ZMYND10: variants seen among roughly 807,000 people sequenced by gnomAD.
ZMYND10 encodes zinc finger MYND domain-containing protein 10.
In ZMYND10, 52 loss-of-function variants were observed where a neutral mutation model predicts 62.6. That is an observed-to-expected ratio of 0.83 (90% CI 0.67 to 1.05). The LOEUF is 1.05. ZMYND10 is among the 50% of genes least tolerant of loss of function. The probability of loss-of-function intolerance (pLI) is 0.00; values close to 1 mark genes in which losing one functional copy is unlikely to be tolerated. For missense variants in ZMYND10, 438 were observed against 543.3 expected (o/e 0.81, Z 1.93); for synonymous variants, 197 against 218.5 (o/e 0.90, Z 0.87).
rs587754385 is a variant in ZMYND10 at position 50,341,258 on chromosome 3, A to T, written c.*152T>A. 39 of 911,624 alleles carry T rather than the reference A, an allele frequency of 4.3e-5. 1 individual carries two copies. Among genetic ancestry groups the T allele is most frequent in the Middle Eastern group, 6.7e-4 (2 of 2,976 alleles). The allele number at this position is 911,624 out of a possible 1,614,324, so 56.5% of individuals were successfully genotyped here. A position where few individuals can be genotyped will look rare whatever the true frequency, so the allele number is the denominator to read the frequency against. On this transcript the variant is annotated 3_prime_UTR_variant, in exon 12 of 12. Coordinates refer to ENST00000231749, the MANE Select transcript of ZMYND10 (RefSeq NM_015896.4). The stretch of plus-strand genomic sequence containing the variant: ...CGAGCCTTCACTTGGGGTGAGGAGG[A>T]GGGAGATCGGTCAGCAGCTTTACCG...
At position 50,341,987 on chromosome 3, in the gene ZMYND10, C is replaced by T. The variant is rs750725012; in HGVS notation, c.999+28G>A. 2.5e-6 allele frequency: 4 copies of T among 1,614,204 alleles called. No individual in the cohort carries two copies. The Admixed American group carries it at 6.7e-5, about 27-fold the overall frequency. On this transcript the variant is annotated intron_variant, in intron 9 of 11. Coordinates refer to ENST00000231749, the MANE Select transcript of ZMYND10 (RefSeq NM_015896.4). The stretch of plus-strand genomic sequence containing the variant: ...GGTGCTGGTAAAGTGGGACAGTGGT[C>T]CTGAGCAGCTAACTTTCCAGTGCCT...
rs375751195 is a variant in ZMYND10, at chr3:50,343,390, G to T, written c.427C>A (p.Arg143Ser). The T allele has an allele frequency of 6.2e-7, 1 of 1,613,634 alleles. No individual in the cohort carries two copies. Among genetic ancestry groups the T allele is most frequent in the Non-Finnish European group, 8.5e-7 (1 of 1,179,836 alleles). Residue 143 changes from arginine to serine, a missense_variant, in exon 5 of 12, where the codon CGC (arginine) becomes AGC (serine). Arg to Ser is a moderately radical substitution (Grantham distance 110). Coordinates refer to ENST00000231749, the MANE Select transcript of ZMYND10 (RefSeq NM_015896.4). ...TVLDLVDYCH[R>S]KLTLLVAQSG... ...TGGGCCACCAGCAGGGTCAGTTTGC[G>T]GTGGCAATAGTCTACCAAGTCCAAG...
chr3:50,342,499 C>G lies in ZMYND10; in HGVS notation c.771G>C (p.Lys257Asn). 5.0e-6 allele frequency: 8 copies of G among 1,614,168 alleles called. No individual in the cohort carries two copies. The highest frequency in any genetic ancestry group is 6.8e-6 in the Non-Finnish European group (8 of 1,180,002). Reference protein sequence around the residue: ...VAPSEQQKLSKLDGQVWIALY... With the variant: ...VAPSEQQKLSNLDGQVWIALY... Reference sequence around the variant, plus strand: ...GGGCGATCCACACTTGCCCGTCCAACTTGCTCAGCTTTTGCTGCTCTGAGG... The same window carrying G: ...GGGCGATCCACACTTGCCCGTCCAAGTTGCTCAGCTTTTGCTGCTCTGAGG... Residue 257 changes from lysine (K) to asparagine (N), a missense_variant, in exon 8 of 12, where the codon AAG (lysine) becomes AAC (asparagine). By Grantham distance (94) the Lys-to-Asn change is moderately conservative (BLOSUM62 0). Coordinates refer to ENST00000231749, the MANE Select transcript of ZMYND10 (RefSeq NM_015896.4).
At position 50,341,438 on chromosome 3, in the gene ZMYND10, A is replaced by G. The variant is rs1703369097; in HGVS notation, c.1295T>C (p.Leu432Pro). Residue 432 changes from leucine (L) to proline (P), a missense_variant, in exon 12 of 12, where the codon CTG (leucine) becomes CCG (proline). Leu to Pro is a moderately conservative substitution (Grantham distance 98, BLOSUM62 -3). Transcript: ENST00000231749. ...TTTGGCTCTGTCACCCTGGGCTGCC[A>G]GGACACAAGTCTTTCCATGCTTTTC... ...HWEKHGKTCV[L>P]AAQGDRAK 3.1e-6 allele frequency: 5 copies of G among 1,614,118 alleles called. No individual in the cohort carries two copies. Among genetic ancestry groups the G allele is most frequent in the Non-Finnish European group, 4.2e-6 (5 of 1,180,040 alleles).
chr3:50,345,288 G>T lies in ZMYND10; in HGVS notation c.93-56C>A. ...ACGTGTGTGCATTAGGAGTGGGGAT[G>T]GGGGCTGGATCCTACTGAAGCCTAA... On this transcript the variant is annotated intron_variant, in intron 1 of 11. Transcript: ENST00000231749. This position sits in a 1 kb window ranked among gnomAD's most constrained non-coding sequence, Gnocchi z 5.0. 1.3e-6 allele frequency: 2 copies of T among 1,575,926 alleles called. No individual in the cohort carries two copies. Among genetic ancestry groups the T allele is most frequent in the African/African-American group, 2.7e-5 (2 of 74,610 alleles).
At chr3:50,343,538 C>T (rs1703451883) in intron 4 of ZMYND10, 25 bp downstream of exon 4, 1 of 1,614,176 alleles carries the variant, frequency 6.2e-7, no homozygotes, top group East Asian at 2.2e-5. Flanking sequence ...GGAACTGTGG[C>T]CCATGGGCAG....
In ZMYND10 at chr3:50,342,136, C is replaced by G; in HGVS notation, c.878G>C (p.Arg293Pro). 1 of 1,609,878 alleles carries G rather than the reference C, an allele frequency of 6.2e-7. No individual in the cohort carries two copies. Among genetic ancestry groups the G allele is most frequent in the Non-Finnish European group, 8.5e-7 (1 of 1,178,282 alleles). ...SFAKGRLLKLRAFLTDTLLDQ... is the reference protein window; with the variant it reads ...SFAKGRLLKLPAFLTDTLLDQ... ...CAGCAGTGTGTCTGTGAGGAAGGCC[C>G]GAAGCTGCAAGGGTGTCCAGTGGAG... is the stretch of plus-strand genomic sequence containing the variant. Residue 293 changes from arginine to proline, a missense_variant, in exon 9 of 12, where the codon CGG becomes CCG. By Grantham distance (103) the Arg-to-Pro change is moderately radical (BLOSUM62 -2). Coordinates refer to ENST00000231749, the MANE Select transcript of ZMYND10 (RefSeq NM_015896.4).
At position 50,341,457 on chromosome 3, in the gene ZMYND10, G is replaced by C. The variant is rs752316930; in HGVS notation, c.1276C>G (p.His426Asp). The C allele has an allele frequency of 6.2e-7, 1 of 1,614,224 alleles. No homozygotes were observed. The highest frequency in any genetic ancestry group is 1.1e-5 in the South Asian group (1 of 91,084). The change falls in exon 12 of 12, where the codon CAT becomes GAT. Residue 426 changes from histidine to aspartate, a missense_variant. His to Asp is a moderately conservative substitution (Grantham distance 81). Coordinates refer to ENST00000231749, the MANE Select transcript of ZMYND10 (RefSeq NM_015896.4). ...RECQVKHWEK[H>D]GKTCVLAAQG... Reference sequence around the variant, plus strand: ...GCTGCCAGGACACAAGTCTTTCCATGCTTTTCCCAGTGCTTGACTTGGCAC... The same window carrying C: ...GCTGCCAGGACACAAGTCTTTCCATCCTTTTCCCAGTGCTTGACTTGGCAC...
chr3:50,345,111 G>A lies in ZMYND10; in HGVS notation c.201+13C>T. The A allele has an allele frequency of 1.2e-6, 2 of 1,611,842 alleles. No homozygotes were observed. The highest frequency in any genetic ancestry group is 1.7e-6 in the Non-Finnish European group (2 of 1,178,822). On this transcript the variant is annotated intron_variant, in intron 2 of 11. Coordinates refer to ENST00000231749, the MANE Select transcript of ZMYND10 (RefSeq NM_015896.4). This position sits in a 1 kb window ranked among gnomAD's most constrained non-coding sequence, Gnocchi z 5.0. ...GGGGGAAGGCAGGAACCCTGCCTGT[G>A]ACCTCGGGGTACCTTCCCATGGGTG...
In ZMYND10 at chr3:50,341,701, T is replaced by A; in HGVS notation, c.1122-2A>T. 1.2e-6 allele frequency: 2 copies of A among 1,614,066 alleles called. No individual in the cohort carries two copies. The highest frequency in any genetic ancestry group is 1.7e-6 in the Non-Finnish European group (2 of 1,179,944). On this transcript the variant is annotated splice_acceptor_variant, in intron 10 of 11. Coordinates refer to ENST00000231749, the MANE Select transcript of ZMYND10 (RefSeq NM_015896.4). LOFTEE classifies it high-confidence loss of function. ...TCCAGCCTGTAGGTCTCAGCCCACC[T>A]GGGGGAAAGTCAGGAAGGTCTGACT...
rs3213621 is a variant in ZMYND10, at chr3:50,341,197, A to G, written c.*213T>C. 0.075 allele frequency: 48,939 copies of G among 653,344 alleles called. 8,971 individuals carry two copies. Among genetic ancestry groups the G allele is most frequent in the East Asian group, 0.53 (19,505 of 36,468 alleles). The allele number at this position is 653,344 out of a possible 1,614,324, so 40.5% of individuals were successfully genotyped here. ...TCCTGGTCCGGTTTGCTGAAGCAAC[A>G]CACTTGGCCTACCCACTGGGTGGGG... On this transcript the variant is annotated 3_prime_UTR_variant, in exon 12 of 12. Coordinates refer to ENST00000231749, the MANE Select transcript of ZMYND10 (RefSeq NM_015896.4).
intron 2 of ZMYND10, 104 bp from the exon 3 acceptor site, chr3:50,343,954 G>C: frequency 9.7e-7 from 1 of 1,027,488 alleles, no homozygotes; most frequent in South Asian, 1.4e-5. Context: ...AAACACTGCT[G>C]GGCCCCTAAA....
chr3:50,341,634 T>A lies in ZMYND10; in HGVS notation c.1187A>T (p.Tyr396Phe). 2 of 1,614,220 alleles carry A rather than the reference T, an allele frequency of 1.2e-6. No homozygotes were observed. Among genetic ancestry groups the A allele is most frequent in the Non-Finnish European group, 1.7e-6 (2 of 1,180,040 alleles). ...AVAPERPRCA[Y>F]CSAEASKRCS... is the part of the protein sequence containing the mutation. ...GCGCTTAGAAGCCTCTGCACTGCAG[T>A]AAGCACAGCGGGGCCGCTCTGGAGC... Residue 396 changes from tyrosine (Y) to phenylalanine (F), a missense_variant, in exon 11 of 12, where the codon TAC (tyrosine) becomes TTC (phenylalanine). Tyr to Phe is a conservative substitution (Grantham distance 22). Transcript: ENST00000231749.
chr3:50,345,611 G>A lies in ZMYND10; in HGVS notation c.-32C>T. On this transcript the variant is annotated 5_prime_UTR_variant, in exon 1 of 12. Coordinates refer to ENST00000231749, the MANE Select transcript of ZMYND10 (RefSeq NM_015896.4). The surrounding 1 kb of genome is among the most constrained non-coding windows in gnomAD (Gnocchi z 5.0). ...GCCGGGGTCCGGCGGATCCTGGGCA[G>A]CAGCCGGGGTGGGGATGCTGTCACA... 6.4e-7 allele frequency: 1 copy of A among 1,555,840 alleles called. No individual in the cohort carries two copies. The highest frequency in any genetic ancestry group is 8.7e-7 in the Non-Finnish European group (1 of 1,150,352).
At chr3:50,343,642 C>A in intron 3 of ZMYND10, 26 bp from the exon 4 acceptor site, 1 of 1,614,028 alleles carries the variant, frequency 6.2e-7, no homozygotes, top group Non-Finnish European at 8.5e-7. Context: ...AAGGACAGGG[C>A]CTGAGGAAGG....
rs1184744316 is a variant in ZMYND10, at chr3:50,345,263, A to C, written c.93-31T>G. On this transcript the variant is annotated intron_variant, in intron 1 of 11. Coordinates refer to ENST00000231749, the MANE Select transcript of ZMYND10 (RefSeq NM_015896.4). The surrounding 1 kb of genome is among the most constrained non-coding windows in gnomAD (Gnocchi z 5.0). ...TCAGAGGGTAAGTGCATGTGCGTCC[A>C]CGTGTGTGCATTAGGAGTGGGGATG... 6 of 1,604,282 alleles carry C rather than the reference A, an allele frequency of 3.7e-6. No homozygotes were observed. Among genetic ancestry groups the C allele is most frequent in the Non-Finnish European group, 5.1e-6 (6 of 1,174,522 alleles).
At chr3:50,342,353 G>A (rs1703406470) in intron 8 of ZMYND10, 44 bp downstream of exon 8, 1 of 1,554,790 alleles carries the variant, frequency 6.4e-7, no homozygotes, top group East Asian at 2.4e-5. Flanking sequence ...AGGATGGGGA[G>A]GGCGGTACTG....
intron 5 of ZMYND10, 40 bp downstream of exon 5, chr3:50,343,267 C>T: frequency 6.2e-7 from 1 of 1,613,548 alleles, no homozygotes; most frequent in Non-Finnish European, 8.5e-7. Flanking sequence ...TTGGGGAACC[C>T]AGACCTAGGC....
intron 4 of ZMYND10, 39 bp downstream of exon 4, chr3:50,343,524 A>C: frequency 6.2e-7 from 1 of 1,614,132 alleles, no homozygotes; most frequent in South Asian, 1.1e-5. Context: ...CCAGGCCCTG[A>C]CCCGGAACTG....
Sources: allele counts gnomAD v4.1 joint callset, GRCh38; gene constraint gnomAD v4.1.1; non-coding constraint Gnocchi (gnomAD v3.1); transcripts MANE v1.5; gene names NCBI Gene and HGNC (gene_info 2026-07-23, HGNC 2026-07-21).